Variants in SPON1 observed in about 807,000 individuals in gnomAD.
SPON1 encodes spondin 1.
A neutral mutation model predicts 111.7 loss-of-function variants in SPON1; 52 were observed. The observed-to-expected ratio is 0.47, with a 90% CI of 0.37 to 0.59. The LOEUF is 0.59. SPON1 is among the 20% of genes least tolerant of loss of function. SPON1 has a pLI of 0.00. For missense variants in SPON1, 957 were observed against 1,068.5 expected (o/e 0.90, Z 1.46); for synonymous variants, 410 against 395.8 (o/e 1.04, Z -0.43).
intron 5 of SPON1, among the ~76,000 whole-genome samples, chr11:14,098,447 C>T (rs1271284013): frequency 6.6e-6 from 1 of 152,102 alleles, no homozygotes; most frequent in African/African-American, 2.4e-5. Context: ...TTTTTTCCTT[C>T]CTTTAGTACA....
chr11:14,032,007 A>G (rs529790686), intron 2 of SPON1, among the ~76,000 whole-genome samples: 19 of 152,332 alleles, frequency 1.2e-4, no homozygotes, highest in Non-Finnish European at 2.5e-4. Flanking sequence ...GGGGATCATA[A>G]TAGCCCCAAA....
intron 5 of SPON1, among the ~76,000 whole-genome samples, chr11:14,130,432 G>A (rs112756376): frequency 0.024 from 3,720 of 152,172 alleles, 155 homozygotes; most frequent in African/African-American, 0.084. Context: ...ACATGTATTA[G>A]GCTGATATGG....
chr11:13,974,338 A>T (rs1848086202), intron 1 of SPON1, among the ~76,000 whole-genome samples: 1 of 152,184 alleles, frequency 6.6e-6, no homozygotes, highest in South Asian at 2.1e-4. Flanking sequence ...TGGCCATAGG[A>T]TGGAGCTGGG....
chr11:14,096,569 C>T (rs898275733), intron 5 of SPON1, among the ~76,000 whole-genome samples: 6 of 152,142 alleles, frequency 3.9e-5, no homozygotes, highest in African/African-American at 1.4e-4. Flanking sequence ...CCCACTGCTC[C>T]CTGCCAGTGG....
chr11:14,263,465 G>T (rs1849214785), intron 15 of SPON1, among the ~76,000 whole-genome samples: 1 of 152,176 alleles, frequency 6.6e-6, no homozygotes, highest in African/African-American at 2.4e-5. Flanking sequence ...TTAAGGGTGT[G>T]GCTCAGACAA....
chr11:14,148,120 T>C (rs1343963240), intron 6 of SPON1, among the ~76,000 whole-genome samples: 1 of 152,200 alleles, frequency 6.6e-6, no homozygotes, highest in Non-Finnish European at 1.5e-5. Flanking sequence ...ATTCTATTTA[T>C]TGGACATTGT....
rs537383437 is a variant in SPON1 at position 14,129,053 on chromosome 11, A to C, written c.677-6367A>C. ...TCCCTCCTTGGTCTCCCAGCCTGTGATAGCAGGGGCTGCTGTGAAGATCTC... is the reference window on the plus strand; with the variant it reads ...TCCCTCCTTGGTCTCCCAGCCTGTGCTAGCAGGGGCTGCTGTGAAGATCTC... On this transcript the variant is annotated intron_variant, in intron 5 of 15. Transcript: ENST00000576479. Among the ~76,000 whole-genome samples, 350 of 152,368 alleles carry C rather than the reference A, an allele frequency of 2.3e-3. 1 individual carries two copies. Among genetic ancestry groups the C allele is most frequent in the African/African-American group, 7.6e-3 (315 of 41,592 alleles).
chr11:14,092,952 CCTT>C (rs1413148408), intron 5 of SPON1, among the ~76,000 whole-genome samples: 2 of 152,166 alleles, frequency 1.3e-5, no homozygotes, highest in African/African-American at 4.8e-5. Flanking sequence ...AATCTTCTGT[CCTT>C]CTGCAGAAAA....
At chr11:14,187,547 G>C (rs1414318009) in intron 6 of SPON1, among the ~76,000 whole-genome samples, 1 of 152,258 alleles carries the variant, frequency 6.6e-6, no homozygotes, top group African/African-American at 2.4e-5. Flanking sequence ...GGGTAGCAAG[G>C]ACATGTCATA....
chr11:14,038,585 G>C (rs1554916939), intron 2 of SPON1, among the ~76,000 whole-genome samples: 1 of 152,138 alleles, frequency 6.6e-6, no homozygotes. Flanking sequence ...CAGATGGCAA[G>C]TAAGCAAATA....
chr11:14,126,016 G>A (rs1431955667), intron 5 of SPON1, among the ~76,000 whole-genome samples: 1 of 152,160 alleles, frequency 6.6e-6, no homozygotes, highest in Non-Finnish European at 1.5e-5. Flanking sequence ...AAAAAGCAAG[G>A]TTCCAGCTTA....
At chr11:14,137,815 A>C (rs1847609877) in intron 6 of SPON1, among the ~76,000 whole-genome samples, 2 of 152,138 alleles carry the variant, frequency 1.3e-5, no homozygotes, top group African/African-American at 4.8e-5. Flanking sequence ...TGCCCCACAG[A>C]GAAATTCCTC....
At chr11:14,190,650 T>A (rs1247155709) in intron 6 of SPON1, among the ~76,000 whole-genome samples, 8 of 150,408 alleles carry the variant, frequency 5.3e-5, no homozygotes, top group Admixed American at 1.3e-4. Context: ...TTTTCTTTTT[T>A]TTTTTTTTGA....
chr11:14,243,335 G>T lies in SPON1; in HGVS notation c.829G>T (p.Asp277Tyr), dbSNP rs1554939878. 6.3e-7 allele frequency: 1 copy of T among 1,581,204 alleles called. No homozygotes were observed. The highest frequency in any genetic ancestry group is 8.6e-7 in the Non-Finnish European group (1 of 1,162,920). Residue 277 changes from aspartate (D) to tyrosine (Y), a missense_variant, in exon 7 of 16, where the codon GAT (aspartate) becomes TAT (tyrosine). Coordinates refer to ENST00000576479, the MANE Select transcript of SPON1 (RefSeq NM_006108.4). ...KMEEEIRQQSDEVLTVIKAKA... is the reference protein window; with the variant it reads ...KMEEEIRQQSYEVLTVIKAKA... ...TATTTGTGGTCCTTTTTTGCAGAGT[G>T]ATGAGGTCCTCACCGTCATCAAAGC...
chr11:14,120,199 A>G (rs546091984), intron 5 of SPON1, among the ~76,000 whole-genome samples: 10 of 152,326 alleles, frequency 6.6e-5, no homozygotes, highest in African/African-American at 1.9e-4. Context: ...ATATGTAAGC[A>G]TATAGTAAAG....
intron 6 of SPON1, among the ~76,000 whole-genome samples, chr11:14,153,444 G>T (rs910738230): frequency 5.9e-5 from 9 of 152,176 alleles, no homozygotes; most frequent in Non-Finnish European, 1.2e-4. Context: ...GCAGGAGGAA[G>T]AGAGCAGGGA....
chr11:14,161,211 A>ATATATATCTATATATCTATATATT (rs1564920139), intron 6 of SPON1, among the ~76,000 whole-genome samples: 21 of 59,012 alleles, frequency 3.6e-4, no homozygotes, highest in Non-Finnish European at 6.6e-4. Context: ...TTATATATTT[A>ATATATATCTATATATCTATATATT]TATATATCTA....
intron 3 of SPON1, among the ~76,000 whole-genome samples, chr11:14,047,433 C>A (rs554319352): frequency 6.6e-6 from 1 of 152,202 alleles, no homozygotes; most frequent in African/African-American, 2.4e-5. Flanking sequence ...TGTAGGCACC[C>A]AGAGTATACC....
At chr11:13,989,893 GCA>G (rs1281596560) in intron 2 of SPON1, among the ~76,000 whole-genome samples, 14 of 152,178 alleles carry the variant, frequency 9.2e-5, no homozygotes, top group African/African-American at 3.4e-4. Context: ...TAGTTTGATT[GCA>G]CTGTGGTCTG....
Sources: allele counts gnomAD v4.1 joint callset (sites outside exome capture counted in the v4.1 genomes callset), GRCh38; gene constraint gnomAD v4.1.1; transcripts MANE v1.5; gene names NCBI Gene and HGNC (gene_info 2026-07-23, HGNC 2026-07-21).